The following XKR4 variants were observed in gnomAD, a reference collection of about 807,000 sequenced individuals.
The protein encoded by XKR4 is XK related 4, also known as XK-related protein 4.
A neutral mutation model predicts 53.9 loss-of-function variants in XKR4; 12 were observed. The observed-to-expected ratio is 0.22, with a 90% CI of 0.14 to 0.36. The LOEUF is 0.36. XKR4 is among the 10% of genes least tolerant of loss of function. The pLI is 1.00. For missense variants in XKR4, 799 were observed against 859.5 expected (o/e 0.93, Z 0.88); for synonymous variants, 354 against 362.4 (o/e 0.98, Z 0.26).
chr8:55,522,007 G>A (rs1806804571), intron 2 of XKR4, among the ~76,000 whole-genome samples: 3 of 152,280 alleles, frequency 2.0e-5, no homozygotes, highest in African/African-American at 7.2e-5. Context: ...CTTAGTCTTG[G>A]TGAGTCTTGG....
At chr8:55,289,677 GAGAAAGAA>G (rs1554516151) in intron 1 of XKR4, among the ~76,000 whole-genome samples, 2 of 125,122 alleles carry the variant, frequency 1.6e-5, no homozygotes, top group African/African-American at 6.5e-5. Flanking sequence ...AGAAAAGAAA[GAGAAAGAA>G]AGAAAGAAAG....
Position 55,524,159 on chromosome 8 carries a change from C to T in XKR4, c.1885C>T (p.Pro629Ser). The stretch of plus-strand genomic sequence containing the variant: ...TTTAGCTTTTGAATGTTCCCCATCT[C>T]CTCCAAGGCTGCAGTACAAAGATGA... ...AILAFECSPS[P>S]PRLQYKDDAL... is the part of the protein sequence containing the mutation. Residue 629 changes from proline (P) to serine (S), a missense_variant, in exon 3 of 3, where the codon CCT becomes TCT. Physicochemically the swap from Pro to Ser is moderately conservative, Grantham distance 74. This residue lies in a region of XKR4 where 269 missense variants were observed against 264.4 expected (regional missense o/e 1.02). Transcript: ENST00000327381. 6.2e-7 allele frequency: 1 copy of T among 1,614,220 alleles called. No homozygotes were observed.
chr8:55,268,377 G>A (rs1818641248), intron 1 of XKR4, among the ~76,000 whole-genome samples: 1 of 152,154 alleles, frequency 6.6e-6, no homozygotes, highest in Admixed American at 6.5e-5. Flanking sequence ...TGATACCAAT[G>A]TTAGTCTCAA....
At chr8:55,414,541 A>G (rs1392061865) in intron 2 of XKR4, among the ~76,000 whole-genome samples, 2 of 149,558 alleles carry the variant, frequency 1.3e-5, no homozygotes, top group Non-Finnish European at 3.0e-5. Flanking sequence ...TAGATTATAT[A>G]TAGAGATCTC....
At chr8:55,378,486 G>T (rs779590351) in intron 2 of XKR4, among the ~76,000 whole-genome samples, 1 of 152,196 alleles carries the variant, frequency 6.6e-6, no homozygotes, top group African/African-American at 2.4e-5. Flanking sequence ...AAAATCAAGA[G>T]AGGTAGCTTG....
intron 2 of XKR4, among the ~76,000 whole-genome samples, chr8:55,518,152 C>T (rs757448422): frequency 5.3e-5 from 8 of 152,196 alleles, no homozygotes; most frequent in African/African-American, 1.9e-4. Flanking sequence ...GTACATCCTA[C>T]GAAGCGTGCT....
chr8:55,389,760 ATGAAG>A (rs1157527156), intron 2 of XKR4, among the ~76,000 whole-genome samples: 5 of 152,202 alleles, frequency 3.3e-5, no homozygotes, highest in Non-Finnish European at 5.9e-5. Flanking sequence ...ATCTGTGGAA[ATGAAG>A]TGAAGTTATA....
intron 2 of XKR4, among the ~76,000 whole-genome samples, chr8:55,505,829 A>G (rs1421496107): frequency 6.6e-6 from 1 of 152,238 alleles, no homozygotes; most frequent in African/African-American, 2.4e-5. Flanking sequence ...TTTTGGTTGA[A>G]CAACCTGATT....
At chr8:55,201,106 A>G (rs2129362245) in intron 1 of XKR4, among the ~76,000 whole-genome samples, 1 of 152,340 alleles carries the variant, frequency 6.6e-6, no homozygotes, top group East Asian at 1.9e-4. Flanking sequence ...AGCACAGATA[A>G]TTAAACAAAT....
At chr8:55,434,711 C>T (rs1012625975) in intron 2 of XKR4, among the ~76,000 whole-genome samples, 2 of 152,190 alleles carry the variant, frequency 1.3e-5, no homozygotes, top group Admixed American at 1.3e-4. Flanking sequence ...GATTTCCACC[C>T]ACTCAGTGTG....
At chr8:55,402,322 A>G (rs1295417561) in intron 2 of XKR4, among the ~76,000 whole-genome samples, 2 of 152,146 alleles carry the variant, frequency 1.3e-5, no homozygotes, top group Non-Finnish European at 2.9e-5. Context: ...GGCCACCTTC[A>G]CCCATGCAGA....
chr8:55,493,784 T>G (rs1010930554), intron 2 of XKR4, among the ~76,000 whole-genome samples: 1 of 152,244 alleles, frequency 6.6e-6, no homozygotes, highest in Non-Finnish European at 1.5e-5. Flanking sequence ...CCAATAGTGC[T>G]ACCCATCCAC....
intron 1 of XKR4, among the ~76,000 whole-genome samples, chr8:55,277,523 C>T (rs967992778): frequency 2.0e-5 from 3 of 152,078 alleles, no homozygotes; most frequent in Non-Finnish European, 4.4e-5. Context: ...TTATGTACAC[C>T]TTATACACAT....
intron 1 of XKR4, among the ~76,000 whole-genome samples, chr8:55,274,135 A>G (rs1226534166): frequency 6.6e-6 from 1 of 152,252 alleles, no homozygotes; most frequent in East Asian, 1.9e-4. Flanking sequence ...ACCAAAATCA[A>G]TAATCCAGAA....
Position 55,308,081 on chromosome 8 carries a change from C to T in XKR4, c.807-49597C>T, listed in dbSNP as rs568029851. 4.6e-5 allele frequency among the ~76,000 whole-genome samples: 7 copies of T among 152,004 alleles called. No individual in the cohort carries two copies. The East Asian group carries it at 7.8e-4, about 17-fold the overall frequency. ...CAGCCTGGCCAACATGGTGAAACCC[C>T]GTCTCTACTAAAAATACAAAAATTA... is the stretch of plus-strand genomic sequence containing the variant. On this transcript the variant is annotated intron_variant, in intron 1 of 2. Transcript: ENST00000327381.
At chr8:55,445,127 G>T (rs957104941) in intron 2 of XKR4, among the ~76,000 whole-genome samples, 10 of 152,012 alleles carry the variant, frequency 6.6e-5, no homozygotes, top group Non-Finnish European at 1.5e-4. Context: ...GTGCGATCTC[G>T]GCTCACTGCA....
Position 55,416,476 on chromosome 8 carries a change from G to C in XKR4, c.1006+58599G>C, listed in dbSNP as rs80344287. On this transcript the variant is annotated intron_variant, in intron 2 of 2. Transcript: ENST00000327381. ...ATTCGCTGGAATAATAGTGACTGCA[G>C]GGTGCTCAAGGATCTGGCCAGATAT... Among the ~76,000 whole-genome samples the C allele has an allele frequency of 6.1e-3, 936 of 152,318 alleles. 8 individuals are homozygous for C. The highest frequency in any genetic ancestry group is 0.021 in the African/African-American group (890 of 41,572).
At chr8:55,512,776 C>T (rs763018119) in intron 2 of XKR4, among the ~76,000 whole-genome samples, 1 of 152,120 alleles carries the variant, frequency 6.6e-6, no homozygotes, top group Non-Finnish European at 1.5e-5. Flanking sequence ...GCTACCAATA[C>T]ACCCCTCCAT....
intron 2 of XKR4, among the ~76,000 whole-genome samples, chr8:55,359,748 C>A (rs1803872723): frequency 6.6e-6 from 1 of 151,814 alleles, no homozygotes. Flanking sequence ...AGAGAGGGAT[C>A]TGAGAAAATG....
Sources: allele counts gnomAD v4.1 joint callset (sites outside exome capture counted in the v4.1 genomes callset), GRCh38; gene constraint gnomAD v4.1.1; regional missense constraint gnomAD v4.1.1; transcripts MANE v1.5; gene names NCBI Gene and HGNC (gene_info 2026-07-23, HGNC 2026-07-21).